NPAS2: variants seen among roughly 807,000 people sequenced by gnomAD.
NPAS2 encodes neuronal PAS domain protein 2, also known as neuronal PAS domain-containing protein 2.
In NPAS2, 23 loss-of-function variants were observed where a neutral mutation model predicts 107.5. That is an observed-to-expected ratio of 0.21 (90% CI 0.15 to 0.30). NPAS2 has a LOEUF of 0.30. NPAS2 is among the 10% of genes least tolerant of loss of function. The pLI is 1.00. For synonymous variants in NPAS2, 403 were observed against 417.5 expected (o/e 0.97, Z 0.42); for missense variants, 756 against 1,043.3 (o/e 0.72, Z 3.79).
intron 1 of NPAS2, among the ~76,000 whole-genome samples, chr2:100,860,700 G>A (rs747362255): frequency 1.3e-5 from 2 of 152,016 alleles, no homozygotes; most frequent in African/African-American, 2.4e-5. Context: ...TTTATTTGGT[G>A]GATTATAATT....
At chr2:100,847,100 T>C (rs1287468841) in intron 1 of NPAS2, 2 of 152,254 alleles carry the variant, frequency 1.3e-5, no homozygotes, top group African/African-American at 4.8e-5. Flanking sequence ...CATTCCATTC[T>C]TTCCTGGAGT....
At chr2:100,870,987 C>T (rs975818185) in intron 1 of NPAS2, among the ~76,000 whole-genome samples, 6 of 152,194 alleles carry the variant, frequency 3.9e-5, no homozygotes, top group African/African-American at 1.4e-4. Context: ...TTTGTGCTTT[C>T]CTGTTAACGC....
At chr2:100,937,136 C>T (rs1684371026) in intron 4 of NPAS2, among the ~76,000 whole-genome samples, 1 of 152,146 alleles carries the variant, frequency 6.6e-6, no homozygotes. Context: ...ATTTTTCAGA[C>T]ATTCTGAAAT....
intron 1 of NPAS2, among the ~76,000 whole-genome samples, chr2:100,840,283 C>T (rs936094270): frequency 6.6e-6 from 1 of 152,128 alleles, no homozygotes; most frequent in East Asian, 1.9e-4. Context: ...CCAAGGTTAC[C>T]GGTGTGGCTC....
intron 5 of NPAS2, among the ~76,000 whole-genome samples, chr2:100,946,408 C>G (rs915562315): frequency 1.3e-5 from 2 of 152,150 alleles, no homozygotes; most frequent in African/African-American, 4.8e-5. Flanking sequence ...AAGCAGGGAC[C>G]TGAAGGTTGC....
At chr2:100,842,379 A>T (rs560991497) in intron 1 of NPAS2, among the ~76,000 whole-genome samples, 4 of 152,076 alleles carry the variant, frequency 2.6e-5, no homozygotes, top group Non-Finnish European at 5.9e-5. Context: ...CGTAGACAGA[A>T]TGCATCGTGC....
intron 1 of NPAS2, among the ~76,000 whole-genome samples, chr2:100,830,526 A>G (rs1317391000): frequency 7.3e-6 from 1 of 136,762 alleles, no homozygotes; most frequent in Non-Finnish European, 1.5e-5. Flanking sequence ...CTGTGTCCCA[A>G]GTGTTCTCAT....
chr2:100,937,174 C>T (rs1013367820), intron 4 of NPAS2, among the ~76,000 whole-genome samples: 7 of 152,140 alleles, frequency 4.6e-5, no homozygotes, highest in African/African-American at 1.4e-4. Context: ...AGTTACGCAA[C>T]CCCCACACCC....
chr2:100,981,678 TA>T (rs1677451036), intron 15 of NPAS2, among the ~76,000 whole-genome samples: 1 of 152,012 alleles, frequency 6.6e-6, no homozygotes, highest in African/African-American at 2.4e-5. Context: ...TAGTAGCAAG[TA>T]AGGCTGGAGA....
intron 4 of NPAS2, 52 bp from the exon 5 acceptor site, chr2:100,937,701 C>A: frequency 2.4e-6 from 3 of 1,255,384 alleles, no homozygotes; most frequent in Non-Finnish European, 3.5e-6. Flanking sequence ...CAGTGACATG[C>A]TCCTCCATAA....
chr2:100,853,418 A>G lies in NPAS2; in HGVS notation c.-23+33004A>G, dbSNP rs1035012304. Among the ~76,000 whole-genome samples the G allele has an allele frequency of 2.0e-5, 3 of 152,352 alleles. No homozygotes were observed. In the East Asian group the frequency reaches 5.8e-4, roughly 29 times the overall value. Reference sequence around the variant, plus strand: ...ACAACCCCCTAAGGAGTAGCTCACCAGTGTCCTAAGTGGCTGTTTCCTGGG... The same window carrying G: ...ACAACCCCCTAAGGAGTAGCTCACCGGTGTCCTAAGTGGCTGTTTCCTGGG... On this transcript the variant is annotated intron_variant, in intron 1 of 20. Transcript: ENST00000335681.
chr2:100,875,604 G>A (rs1454648421), intron 1 of NPAS2, among the ~76,000 whole-genome samples: 1 of 152,186 alleles, frequency 6.6e-6, no homozygotes, highest in Non-Finnish European at 1.5e-5. Flanking sequence ...GCTCCTGGAC[G>A]CGCAGCTTGT....
chr2:100,843,108 A>G (rs565606559), intron 1 of NPAS2, among the ~76,000 whole-genome samples: 2 of 151,850 alleles, frequency 1.3e-5, no homozygotes, highest in South Asian at 2.1e-4. Context: ...AGTCCCAGCT[A>G]CTCGGGAGGC....
At chr2:100,973,242 G>A (rs982728587) in intron 12 of NPAS2, among the ~76,000 whole-genome samples, 7 of 152,024 alleles carry the variant, frequency 4.6e-5, no homozygotes, top group African/African-American at 1.7e-4. Context: ...TAAAGTAAAA[G>A]CTCCCAAACT....
At chr2:100,925,729 A>G (rs1309663155) in intron 3 of NPAS2, among the ~76,000 whole-genome samples, 1 of 152,130 alleles carries the variant, frequency 6.6e-6, no homozygotes, top group Non-Finnish European at 1.5e-5. Flanking sequence ...TTTGCGCTAC[A>G]TCATGAAAAA....
At chr2:100,864,531 T>C (rs1476183136) in intron 1 of NPAS2, among the ~76,000 whole-genome samples, 1 of 152,216 alleles carries the variant, frequency 6.6e-6, no homozygotes, top group Non-Finnish European at 1.5e-5. Flanking sequence ...GGGAAGTGTC[T>C]TCCTTGAAAC....
chr2:100,835,816 G>T (rs1270669935), intron 1 of NPAS2, among the ~76,000 whole-genome samples: 2 of 152,110 alleles, frequency 1.3e-5, no homozygotes, highest in Non-Finnish European at 2.9e-5. Context: ...TTATGGGGAA[G>T]CCTCCTAGAA....
intron 13 of NPAS2, 79 bp downstream of exon 13, chr2:100,975,023 A>G (rs994141473): frequency 4.1e-5 from 62 of 1,518,746 alleles, no homozygotes; most frequent in Non-Finnish European, 5.6e-5. Flanking sequence ...TCCCGGGCCC[A>G]AGTGGAATCA....
chr2:100,878,101 CG>C, intron 1 of NPAS2: 1 of 985,334 alleles, frequency 1.0e-6, no homozygotes, highest in Non-Finnish European at 1.2e-6. Context: ...CCTATGTCCA[CG>C]GAAGGTTGTT....
Sources: gnomAD v4.1 joint callset for allele counts (sites outside exome capture counted in the v4.1 genomes callset) on GRCh38, gnomAD v4.1.1 for gene constraint, MANE v1.5 for transcripts, NCBI Gene and HGNC (gene_info 2026-07-23, HGNC 2026-07-21) for gene names.